The following MGAT4C variants were observed in gnomAD, a reference collection of about 807,000 sequenced individuals.
The protein encoded by MGAT4C is MGAT4 family member C.
Under a neutral mutation model 40.1 loss-of-function variants are expected in MGAT4C, and 19 were observed. The observed-to-expected ratio is 0.47, with a 90% CI of 0.33 to 0.70. The LOEUF (loss-of-function observed/expected upper bound fraction) is 0.70. Ranked by LOEUF, MGAT4C falls within the 30% of genes least tolerant of loss-of-function variation. The pLI, the probability that MGAT4C is intolerant of heterozygous loss-of-function variation, is 0.02. For synonymous variants in MGAT4C, 181 were observed against 187.1 expected, an observed-to-expected ratio of 0.97 and a Z score of 0.27; for missense variants, 491 against 563.2, an observed-to-expected ratio of 0.87 and a Z score of 1.30.
intron 1 of MGAT4C, among the ~76,000 whole-genome samples, chr12:86,787,302 G>A (rs921287868): frequency 4.1e-5 from 6 of 145,232 alleles, no homozygotes; most frequent in African/African-American, 1.5e-4. Context: ...CATCCACATT[G>A]CCTCAAAAGA....
chr12:85,983,917 T>C (rs886642444), intron 3 of MGAT4C, among the ~76,000 whole-genome samples: 2 of 152,140 alleles, frequency 1.3e-5, no homozygotes, highest in African/African-American at 2.4e-5. Context: ...TGTTTTTCTA[T>C]AGGACACATT....
chr12:86,049,847 T>G, intron 1 of MGAT4C, 124 bp from the exon 2 acceptor site: 1 of 190,068 alleles, frequency 5.3e-6, no homozygotes, highest in Non-Finnish European at 9.7e-6. Flanking sequence ...GGATCATATT[T>G]ATAAAATCTT....
chr12:86,571,492 A>C (rs1960361955), intron 2 of MGAT4C, among the ~76,000 whole-genome samples: 1 of 152,108 alleles, frequency 6.6e-6, no homozygotes, highest in African/African-American at 2.4e-5. Flanking sequence ...GCAAAACTGA[A>C]ATTTAAAGTA....
intron 4 of MGAT4C, among the ~76,000 whole-genome samples, chr12:86,283,249 T>C (rs2136120240): frequency 6.6e-6 from 1 of 152,224 alleles, no homozygotes; most frequent in South Asian, 2.1e-4. Context: ...GTTCACCTCT[T>C]GTACTTCTCA....
chr12:86,508,820 C>A (rs1958519272), intron 2 of MGAT4C, among the ~76,000 whole-genome samples: 1 of 149,808 alleles, frequency 6.7e-6, no homozygotes, highest in Non-Finnish European at 1.5e-5. Context: ...TGATGGTGAG[C>A]ATTTTTTCAT....
rs143768057 is a variant in MGAT4C at position 86,770,162 on chromosome 12, C to T, written c.-261-42921G>A. ...ACAGAGACTATTTTTTTTCATAGAA[C>T]GTTAGTATTCTATGAACAATTAGGT... On this transcript the variant is annotated intron_variant, in intron 1 of 7. Transcript: ENST00000548651. Among the ~76,000 whole-genome samples the T allele has an allele frequency of 9.6e-3, 1,462 of 151,564 alleles. 17 individuals are homozygous for T. Among genetic ancestry groups the T allele is most frequent in the Middle Eastern group, 0.021 (6 of 292 alleles).
At chr12:86,758,370 G>A (rs576156618) in intron 1 of MGAT4C, among the ~76,000 whole-genome samples, 49 of 111,702 alleles carry the variant, frequency 4.4e-4, no homozygotes, top group African/African-American at 1.3e-3. Flanking sequence ...TTTTATGTCC[G>A]AATCCTTTTT....
chr12:86,768,108 C>G (rs1345806431), intron 1 of MGAT4C, among the ~76,000 whole-genome samples: 1 of 152,070 alleles, frequency 6.6e-6, no homozygotes, highest in Non-Finnish European at 1.5e-5. Flanking sequence ...GATTGTATAT[C>G]TAGAAAACCC....
At position 86,186,763 on chromosome 12, in the gene MGAT4C, G is replaced by A. The variant is rs112768349; in HGVS notation, c.-57+69476C>T. Among the ~76,000 whole-genome samples, 465 of 152,190 alleles carry A rather than the reference G, an allele frequency of 3.1e-3. 1 individual carries two copies. Among genetic ancestry groups the A allele is most frequent in the African/African-American group, 0.011 (437 of 41,540 alleles). ...TAGTTTCAAGCTTATCATGAGTAGAGTCTGCAATAGGCCTTTCCTGTGTTC... is the reference window on the plus strand; with the variant it reads ...TAGTTTCAAGCTTATCATGAGTAGAATCTGCAATAGGCCTTTCCTGTGTTC... On this transcript the variant is annotated intron_variant, in intron 1 of 4. Coordinates refer to ENST00000611864, the MANE Select transcript of MGAT4C (RefSeq NM_001351288.2).
chr12:86,515,176 C>T (rs1468542397), intron 2 of MGAT4C, among the ~76,000 whole-genome samples: 1 of 152,130 alleles, frequency 6.6e-6, no homozygotes, highest in African/African-American at 2.4e-5. Flanking sequence ...CATCTGGCAG[C>T]TAGCATGATA....
chr12:86,075,900 C>T (rs1869606171), intron 1 of MGAT4C, among the ~76,000 whole-genome samples: 1 of 152,152 alleles, frequency 6.6e-6, no homozygotes, highest in Admixed American at 6.5e-5. Context: ...AGACCTCTGA[C>T]ATGCTCTGGA....
At chr12:86,766,393 A>T (rs1301494292) in intron 1 of MGAT4C, among the ~76,000 whole-genome samples, 1 of 152,138 alleles carries the variant, frequency 6.6e-6, no homozygotes, top group Admixed American at 6.5e-5. Flanking sequence ...TTACAAAGAG[A>T]CTTAGACTCC....
intron 1 of MGAT4C, among the ~76,000 whole-genome samples, chr12:86,181,895 T>C (rs1440001284): frequency 1.3e-5 from 2 of 152,130 alleles, no homozygotes; most frequent in African/African-American, 2.4e-5. Context: ...TTTCCAATAA[T>C]ACTTTAATAT....
intron 1 of MGAT4C, among the ~76,000 whole-genome samples, chr12:86,176,941 GC>G (rs1278636554): frequency 6.6e-6 from 1 of 150,784 alleles, no homozygotes; most frequent in Non-Finnish European, 1.5e-5. Context: ...TATGTAGCAA[GC>G]ACCATTTAAA....
chr12:86,244,955 A>G (rs974885026), intron 1 of MGAT4C, among the ~76,000 whole-genome samples: 1 of 152,298 alleles, frequency 6.6e-6, no homozygotes, highest in Non-Finnish European at 1.5e-5. Context: ...GGTATGCATT[A>G]TCTCATTTGA....
intron 1 of MGAT4C, among the ~76,000 whole-genome samples, chr12:86,144,262 G>A (rs61932270): frequency 0.079 from 11,971 of 152,168 alleles, 660 homozygotes; most frequent in Middle Eastern, 0.22. Flanking sequence ...GTCACTGTAG[G>A]CCATGTTAAT....
At chr12:85,990,493 A>C (rs1366178772) in intron 2 of MGAT4C, among the ~76,000 whole-genome samples, 2 of 152,182 alleles carry the variant, frequency 1.3e-5, no homozygotes, top group African/African-American at 4.8e-5. Flanking sequence ...TGAAGTATTT[A>C]TGTGTAAGGG....
chr12:86,775,860 T>TAA (rs1471624758), intron 1 of MGAT4C, among the ~76,000 whole-genome samples: 3 of 150,262 alleles, frequency 2.0e-5, no homozygotes, highest in Non-Finnish European at 4.4e-5. Context: ...TATATATATA[T>TAA]AATATATTTG....
In MGAT4C at chr12:86,499,621, C is replaced by G. The variant is rs78358849; in HGVS notation, c.-228-64356G>C. Among the ~76,000 whole-genome samples the G allele has an allele frequency of 9.0e-3, 1,360 of 151,846 alleles. 26 individuals carry two copies. Among genetic ancestry groups the G allele is most frequent in the African/African-American group, 0.032 (1,316 of 41,486 alleles). ...AAACCAACTATTTGTCACCTTTCTG[C>G]TTAAATTGCTAGTTAATGGTACCTC... On this transcript the variant is annotated intron_variant, in intron 2 of 7. Coordinates refer to the MGAT4C transcript ENST00000548651.
Sources: gnomAD v4.1 joint callset for allele counts (sites outside exome capture counted in the v4.1 genomes callset) on GRCh38, gnomAD v4.1.1 for gene constraint, MANE v1.5 for transcripts, NCBI Gene and HGNC (gene_info 2026-07-23, HGNC 2026-07-21) for gene names.